The following GRM7 variants were observed in gnomAD, a reference collection of about 807,000 sequenced individuals.
The protein encoded by GRM7 is metabotropic glutamate receptor 7.
A neutral mutation model predicts 84.5 loss-of-function variants in GRM7; 35 were observed. The observed-to-expected ratio is 0.41, with a 90% CI of 0.32 to 0.55. The LOEUF (loss-of-function observed/expected upper bound fraction) is 0.55. GRM7 is among the 20% of genes least tolerant of loss of function. The probability of loss-of-function intolerance (pLI) is 0.19; values close to 1 mark genes in which losing one functional copy is unlikely to be tolerated. For missense variants in GRM7, 1,003 were observed against 1,194.6 expected (o/e 0.84, Z 2.36); for synonymous variants, 487 against 455.1 (o/e 1.07, Z -0.89).
chr3:7,636,723 C>G (rs1038277788), intron 8 of GRM7, among the ~76,000 whole-genome samples: 6 of 152,010 alleles, frequency 3.9e-5, no homozygotes, highest in African/African-American at 1.5e-4. Flanking sequence ...AGAGAGAACC[C>G]TAGGGTTGTA....
chr3:6,881,495 A>G (rs2124963109), intron 1 of GRM7, among the ~76,000 whole-genome samples: 1 of 152,306 alleles, frequency 6.6e-6, no homozygotes, highest in East Asian at 1.9e-4. Context: ...GCTGCATAAT[A>G]TTCCATGGTT....
chr3:6,980,468 A>G (rs1694157567), intron 1 of GRM7, among the ~76,000 whole-genome samples: 1 of 152,182 alleles, frequency 6.6e-6, no homozygotes, highest in Non-Finnish European at 1.5e-5. Flanking sequence ...TTCCCTGTTT[A>G]CTGCATACTT....
intron 1 of GRM7, among the ~76,000 whole-genome samples, chr3:7,051,476 T>C (rs1267649280): frequency 6.6e-6 from 1 of 151,836 alleles, no homozygotes; most frequent in African/African-American, 2.4e-5. Flanking sequence ...TTCTGTTTCT[T>C]AGGTAGCATT....
At chr3:7,560,471 A>G (rs1429052411) in intron 7 of GRM7, 4 of 152,008 alleles carry the variant, frequency 2.6e-5, no homozygotes, top group African/African-American at 4.8e-5. Context: ...TTCTGGATGC[A>G]TTCTCTGATT....
chr3:7,609,683 G>C (rs1696756779), intron 8 of GRM7, among the ~76,000 whole-genome samples: 1 of 151,980 alleles, frequency 6.6e-6, no homozygotes, highest in Non-Finnish European at 1.5e-5. Flanking sequence ...TGAGGAGAGG[G>C]GACAGTGGAT....
intron 1 of GRM7, among the ~76,000 whole-genome samples, chr3:6,875,489 A>G (rs1695270357): frequency 6.6e-6 from 1 of 152,118 alleles, no homozygotes; most frequent in Non-Finnish European, 1.5e-5. Context: ...GCCTGCTGTC[A>G]TGTAAGGTGT....
intron 1 of GRM7, among the ~76,000 whole-genome samples, chr3:6,940,626 G>A (rs772690763): frequency 3.3e-5 from 5 of 151,856 alleles, no homozygotes; most frequent in African/African-American, 7.3e-5. Context: ...ACACACATAG[G>A]CAATTGAAAT....
At chr3:7,435,057 C>T (rs2124857366) in intron 5 of GRM7, among the ~76,000 whole-genome samples, 2 of 151,828 alleles carry the variant, frequency 1.3e-5, no homozygotes, top group South Asian at 2.1e-4. Context: ...TTCATTTTAC[C>T]TAAATTAATT....
intron 5 of GRM7, among the ~76,000 whole-genome samples, chr3:7,415,692 A>C (rs1336511247): frequency 6.6e-6 from 1 of 152,158 alleles, no homozygotes; most frequent in Non-Finnish European, 1.5e-5. Flanking sequence ...GTGAGAAGAA[A>C]AATCACACAT....
intron 8 of GRM7, among the ~76,000 whole-genome samples, chr3:7,598,549 G>T (rs932621320): frequency 6.6e-6 from 1 of 152,216 alleles, no homozygotes; most frequent in Non-Finnish European, 1.5e-5. Flanking sequence ...TATCATGAAA[G>T]AAATCTCTTG....
chr3:6,927,501 GAA>G (rs1311924944), intron 1 of GRM7, among the ~76,000 whole-genome samples: 1 of 139,722 alleles, frequency 7.2e-6, no homozygotes, highest in African/African-American at 2.6e-5. Context: ...AAGAAAGAAA[GAA>G]AGAAAGAAAG....
At position 7,380,890 on chromosome 3, in the gene GRM7, G is replaced by T. The variant is rs138913266; in HGVS notation, c.1034-34133G>T. 7.3e-4 allele frequency among the ~76,000 whole-genome samples: 111 copies of T among 152,222 alleles called. No individual in the cohort carries two copies. In the East Asian group the frequency reaches 0.019, roughly 25 times the overall value. On this transcript the variant is annotated intron_variant, in intron 4 of 9. Transcript: ENST00000357716. ...CCAGTATATAACCCTGGAGAAACTGGTGTTTTTCATTGTAACATCCAAGTC... is the reference window on the plus strand; with the variant it reads ...CCAGTATATAACCCTGGAGAAACTGTTGTTTTTCATTGTAACATCCAAGTC...
rs185642367 is a variant in GRM7 at position 6,882,515 on chromosome 3, C to T, written c.519+20608C>T. 4.0e-5 allele frequency among the ~76,000 whole-genome samples: 6 copies of T among 151,838 alleles called. No homozygotes were observed. In the East Asian group the frequency reaches 5.8e-4, roughly 15 times the overall value. ...GGGCTATAGTTGCACCACTGCCCCC[C>T]GGCCTGGACAACACAGCAAGACCTT... On this transcript the variant is annotated intron_variant, in intron 1 of 9. Coordinates refer to ENST00000357716, the MANE Select transcript of GRM7 (RefSeq NM_000844.4).
intron 1 of GRM7, among the ~76,000 whole-genome samples, chr3:7,029,309 A>AACAAAC (rs1156439594): frequency 3.7e-5 from 4 of 107,342 alleles, no homozygotes; most frequent in South Asian, 3.6e-4. Context: ...CTCAAAAAAA[A>AACAAAC]AAAAACAAAA....
At chr3:6,927,058 T>A (rs957225402) in intron 1 of GRM7, among the ~76,000 whole-genome samples, 1 of 152,212 alleles carries the variant, frequency 6.6e-6, no homozygotes, top group African/African-American at 2.4e-5. Flanking sequence ...TATGTAGACA[T>A]AGGTAAAACA....
intron 1 of GRM7, among the ~76,000 whole-genome samples, chr3:7,003,411 T>TA (rs34826843): frequency 0.098 from 14,372 of 146,756 alleles, 2,229 homozygotes; most frequent in African/African-American, 0.33. Flanking sequence ...TATTTTTTTG[T>TA]AAAAAAAAAA....
In GRM7 at chr3:6,941,316, C is replaced by G. The variant is rs919121112; in HGVS notation, c.519+79409C>G. ...AATGGCAAACGTCTCTATTTTTTAC[C>G]CTTTCTTTATCTACACTGAACCTGA... On this transcript the variant is annotated intron_variant, in intron 1 of 9. Transcript: ENST00000357716. 2.6e-5 allele frequency among the ~76,000 whole-genome samples: 4 copies of G among 151,952 alleles called. No individual in the cohort carries two copies. In the South Asian group the frequency reaches 8.3e-4, roughly 32 times the overall value.
intron 1 of GRM7, among the ~76,000 whole-genome samples, chr3:6,890,423 T>C (rs1320008329): frequency 2.0e-5 from 3 of 152,228 alleles, no homozygotes; most frequent in Admixed American, 2.0e-4. Context: ...GAGATTCTGG[T>C]ATGTTGTGTC....
At chr3:7,525,134 A>G (rs1244931210) in intron 7 of GRM7, among the ~76,000 whole-genome samples, 1 of 150,440 alleles carries the variant, frequency 6.6e-6, no homozygotes, top group Non-Finnish European at 1.5e-5. Flanking sequence ...GGTAGGGGGG[A>G]GGGATAGCAT....
Sources: gnomAD v4.1 joint callset for allele counts (sites outside exome capture counted in the v4.1 genomes callset) on GRCh38, gnomAD v4.1.1 for gene constraint, MANE v1.5 for transcripts, NCBI Gene and HGNC (gene_info 2026-07-23, HGNC 2026-07-21) for gene names.